ZCWPW1: variants seen among roughly 807,000 people sequenced by gnomAD.
ZCWPW1 encodes zinc finger CW-type and PWWP domain containing 1.
A neutral mutation model predicts 81.3 loss-of-function variants in ZCWPW1; 56 were observed. That is an observed-to-expected ratio of 0.69 (90% CI 0.56 to 0.86). The LOEUF is 0.86. Ranked by LOEUF, ZCWPW1 falls within the 40% of genes least tolerant of loss-of-function variation. The probability of loss-of-function intolerance (pLI) is 0.00; values close to 1 mark genes in which losing one functional copy is unlikely to be tolerated. For synonymous variants in ZCWPW1, 250 were observed against 273.7 expected, an observed-to-expected ratio of 0.91 and a Z score of 0.86; for missense variants, 650 against 769.8, an observed-to-expected ratio of 0.84 and a Z score of 1.84.
intron 17 of ZCWPW1, among the ~76,000 whole-genome samples, chr7:100,401,630 CTCT>C (rs1216458187): frequency 6.6e-6 from 1 of 152,204 alleles, no homozygotes; most frequent in Non-Finnish European, 1.5e-5. Flanking sequence ...ATGGAAGTAT[CTCT>C]TTAGCCAGCC....
At chr7:100,409,656 C>T (rs1355103593) in intron 8 of ZCWPW1, 112 bp from the exon 9 acceptor site, 2 of 726,630 alleles carry the variant, frequency 2.8e-6, no homozygotes, top group African/African-American at 3.5e-5. Flanking sequence ...GCCAGAGAGA[C>T]ATTAGAGATC....
chr7:100,406,832 G>T, intron 11 of ZCWPW1, 34 bp from the exon 12 acceptor site: 1 of 1,580,132 alleles, frequency 6.3e-7, no homozygotes, highest in Non-Finnish European at 8.7e-7. Flanking sequence ...ACGGACTCCT[G>T]TCCTGCTCCC....
chr7:100,424,634 G>GT (rs1796979699), intron 2 of ZCWPW1, among the ~76,000 whole-genome samples: 1 of 151,674 alleles, frequency 6.6e-6, no homozygotes, highest in Admixed American at 6.6e-5. Context: ...GCTAATTTTC[G>GT]TATTTTTAGT....
At position 100,402,682 on chromosome 7, in the gene ZCWPW1, G is replaced by A. The variant is rs1440472530; in HGVS notation, c.1414-106C>T. 3 of 1,148,422 alleles carry A rather than the reference G, an allele frequency of 2.6e-6. 1 individual carries two copies. In the South Asian group the frequency reaches 3.7e-5, roughly 14 times the overall value. The allele number at this position is 1,148,422 out of a possible 1,614,324, so 71.1% of individuals were successfully genotyped here. On this transcript the variant is annotated intron_variant, in intron 15 of 17. Coordinates refer to ENST00000684423, the MANE Select transcript of ZCWPW1 (RefSeq NM_001386010.1). ...GACAGGTGGGCTTTGGGGAATCAAA[G>A]TAGCTTCTGTGAGCCTGATATTGTT...
chr7:100,422,886 T>C (rs1006629866), intron 2 of ZCWPW1, among the ~76,000 whole-genome samples: 8 of 152,218 alleles, frequency 5.3e-5, no homozygotes, highest in Non-Finnish European at 1.2e-4. Context: ...TCCAGCTCTA[T>C]CCATGTTGCT....
chr7:100,421,287 AGAGCAGTGATGGTAGGGTAT>A (rs1796291762), intron 2 of ZCWPW1, among the ~76,000 whole-genome samples: 1 of 152,238 alleles, frequency 6.6e-6, no homozygotes, highest in South Asian at 2.1e-4. Context: ...AGGTGGTAGT[AGAGCAGTGATGGTAGGGTAT>A]GAACAATCCT....
intron 3 of ZCWPW1, 109 bp from the exon 4 acceptor site, chr7:100,419,992 A>G (rs767213696): frequency 5.3e-5 from 48 of 904,524 alleles, no homozygotes; most frequent in Non-Finnish European, 7.9e-5. Context: ...AGAGCTTTTA[A>G]CAAATTCAGA....
At chr7:100,404,077 C>A in intron 14 of ZCWPW1, 101 bp downstream of exon 14, 1 of 1,259,272 alleles carries the variant, frequency 7.9e-7, no homozygotes. Context: ...CCAGAATTAG[C>A]CTGATGATAG....
intron 4 of ZCWPW1, 137 bp downstream of exon 4, chr7:100,419,493 G>T: frequency 3.5e-6 from 5 of 1,425,382 alleles, no homozygotes; most frequent in Middle Eastern, 1.9e-4. Context: ...AAAAAAAAAG[G>T]AAGCCCTCAA....
intron 8 of ZCWPW1, among the ~76,000 whole-genome samples, chr7:100,414,074 A>G (rs2130683424): frequency 6.6e-6 from 1 of 152,324 alleles, no homozygotes; most frequent in Non-Finnish European, 1.5e-5. Flanking sequence ...CTCTACCTAG[A>G]AACTCCCTTC....
At chr7:100,416,839 G>A (rs1795327664) in intron 6 of ZCWPW1, among the ~76,000 whole-genome samples, 1 of 151,802 alleles carries the variant, frequency 6.6e-6, no homozygotes, top group African/African-American at 2.4e-5. Flanking sequence ...CCAGCTACTC[G>A]AGAGGCTGAG....
chr7:100,401,081 T>C lies in ZCWPW1; in HGVS notation c.1883A>G (p.Gln628Arg), dbSNP rs772145336. The C allele has an allele frequency of 6.2e-7, 1 of 1,614,196 alleles. No homozygotes were observed. Among genetic ancestry groups the C allele is most frequent in the Non-Finnish European group, 8.5e-7 (1 of 1,180,018 alleles). ...LMEDVGRELG[Q>R]SGELQHSNSD... ...GTTGCTGTGCTGCAGCTCCCCGCTC[T>C]GCCCCAGCTCTCTCCCAACATCTTC... is the stretch of plus-strand genomic sequence containing the variant. Residue 628 changes from glutamine (Q) to arginine (R), a missense_variant, in exon 18 of 18, where the codon CAG becomes CGG. Transcript: ENST00000684423.
In ZCWPW1 at chr7:100,400,894, A is replaced by T; in HGVS notation, c.*120T>A. The T allele has an allele frequency of 8.6e-7, 1 of 1,164,496 alleles. No individual in the cohort carries two copies. The highest frequency in any genetic ancestry group is 1.2e-6 in the Non-Finnish European group (1 of 857,466). 72.1% of individuals were successfully genotyped at this position (1,164,496 alleles called of 1,614,324 possible). On this transcript the variant is annotated 3_prime_UTR_variant, in exon 18 of 18. Coordinates refer to ENST00000684423, the MANE Select transcript of ZCWPW1 (RefSeq NM_001386010.1). ...CAGTCGACTGTAACCTGCTTTATTA[A>T]CACAGAAACTGCACCACACACATTT...
At chr7:100,417,360 C>CA in intron 5 of ZCWPW1, 177 bp from the exon 6 acceptor site, 1 of 547,586 alleles carries the variant, frequency 1.8e-6, no homozygotes. Context: ...TATCTTTCTG[C>CA]AAGCCTTTCC....
At chr7:100,416,590 T>C (rs942275649) in intron 6 of ZCWPW1, 134 bp from the exon 7 acceptor site, 5 of 864,708 alleles carry the variant, frequency 5.8e-6, no homozygotes, top group African/African-American at 5.1e-5. Context: ...ATTTCATCCA[T>C]CTACTTGCCT....
chr7:100,418,278 G>C (rs1204309279), intron 5 of ZCWPW1, among the ~76,000 whole-genome samples: 1 of 152,194 alleles, frequency 6.6e-6, no homozygotes, highest in Non-Finnish European at 1.5e-5. Context: ...TGTACCCTAA[G>C]TTTTTCAAAT....
Position 100,412,821 on chromosome 7 carries a change from T to C in ZCWPW1, c.754+3154A>G, listed in dbSNP as rs556273171. ...TGGTCTTGATCTCCTGACCTCGTGA[T>C]CCACCCGCCTCGGCCTCCCAAAGTG... On this transcript the variant is annotated intron_variant, in intron 8 of 17. Coordinates refer to ENST00000684423, the MANE Select transcript of ZCWPW1 (RefSeq NM_001386010.1). Among the ~76,000 whole-genome samples the C allele has an allele frequency of 7.2e-5, 11 of 152,308 alleles. No individual in the cohort carries two copies. In the South Asian group the frequency reaches 2.3e-3, roughly 32 times the overall value.
In ZCWPW1 at chr7:100,416,200, C is replaced by A. The variant is rs548681162; in HGVS notation, c.632-103G>T. 2.1e-5 allele frequency: 34 copies of A among 1,590,858 alleles called. No homozygotes were observed. In the Admixed American group the frequency reaches 5.5e-4, roughly 26 times the overall value. ...GGAAGAAGAATCACAGCCTAATAGT[C>A]TCAAGTCTTGGGCTGAAAATTCTCA... On this transcript the variant is annotated intron_variant, in intron 7 of 17. Transcript: ENST00000684423.
At chr7:100,417,923 C>T (rs1026493016) in intron 5 of ZCWPW1, among the ~76,000 whole-genome samples, 21 of 151,520 alleles carry the variant, frequency 1.4e-4, no homozygotes, top group Admixed American at 2.0e-4. Context: ...CTTGCTCTGT[C>T]GCCCAGGCTG....
Sources: gnomAD v4.1 joint callset for allele counts (sites outside exome capture counted in the v4.1 genomes callset) on GRCh38, gnomAD v4.1.1 for gene constraint, MANE v1.5 for transcripts, NCBI Gene and HGNC (gene_info 2026-07-23, HGNC 2026-07-21) for gene names.